The following DPP6 variants were observed in gnomAD, a reference collection of about 807,000 sequenced individuals.
DPP6 encodes A-type potassium channel modulatory protein DPP6.
DPP6 carries 69 observed loss-of-function variants against 122.6 expected under a neutral mutation model. The observed-to-expected ratio is 0.56, with a 90% CI of 0.46 to 0.69. The LOEUF is 0.69. DPP6 is among the 30% of genes least tolerant of loss of function. The pLI is 0.00. For synonymous variants in DPP6, 418 were observed against 433.1 expected (o/e 0.97, Z 0.43); for missense variants, 928 against 1,116.9 (o/e 0.83, Z 2.41).
intron 1 of DPP6, among the ~76,000 whole-genome samples, chr7:154,021,951 A>T (rs1798722526): frequency 6.6e-6 from 1 of 152,202 alleles, no homozygotes; most frequent in East Asian, 1.9e-4. Flanking sequence ...CTATCTGGGC[A>T]TCCCATTGGC....
chr7:154,091,713 C>T (rs1006977217), intron 1 of DPP6, among the ~76,000 whole-genome samples: 1 of 152,126 alleles, frequency 6.6e-6, no homozygotes, highest in Non-Finnish European at 1.5e-5. Flanking sequence ...CCTCTTCCCC[C>T]CCTCACCACG....
chr7:154,407,960 G>A (rs1379644768), intron 1 of DPP6, among the ~76,000 whole-genome samples: 1 of 152,228 alleles, frequency 6.6e-6, no homozygotes, highest in Admixed American at 6.5e-5. Flanking sequence ...TTTGGGAACA[G>A]TAATGATACC....
intron 8 of DPP6, among the ~76,000 whole-genome samples, chr7:154,763,224 C>T (rs1444698069): frequency 1.3e-5 from 2 of 152,094 alleles, no homozygotes; most frequent in Non-Finnish European, 2.9e-5. Context: ...CCTAGCTACT[C>T]AGAAGGCTGA....
intron 1 of DPP6, among the ~76,000 whole-genome samples, chr7:153,918,978 CAA>C (rs386411718): frequency 5.6e-5 from 5 of 89,344 alleles, no homozygotes; most frequent in East Asian, 3.3e-4. Context: ...GACTCTGTCT[CAA>C]AAAAAAAAAA....
At chr7:154,205,874 C>T (rs538243690) in intron 1 of DPP6, among the ~76,000 whole-genome samples, 39 of 152,272 alleles carry the variant, frequency 2.6e-4, no homozygotes, top group Non-Finnish European at 4.4e-4. Flanking sequence ...TTTGTGGGCA[C>T]TGGAGCAGCC....
At chr7:154,887,604 C>T in intron 22 of DPP6, 72 bp from the exon 23 acceptor site, 1 of 1,524,536 alleles carries the variant, frequency 6.6e-7, no homozygotes, top group Middle Eastern at 1.7e-4. Flanking sequence ...CAGGGCCCTC[C>T]CTAGAGTTTG....
At chr7:154,164,379 T>G (rs1797136890) in intron 1 of DPP6, among the ~76,000 whole-genome samples, 1 of 152,168 alleles carries the variant, frequency 6.6e-6, no homozygotes, top group Non-Finnish European at 1.5e-5. Flanking sequence ...TGCGATTATC[T>G]CCACCAACCT....
At chr7:153,771,190 C>G in the DPP6 span, among the ~76,000 whole-genome samples, 1 of 152,118 alleles carries the variant, frequency 6.6e-6, no homozygotes, top group Non-Finnish European at 1.5e-5. Context: ...CACACACATA[C>G]CATGTTCAAT....
At position 154,080,471 on chromosome 7, in the gene DPP6, C is replaced by T. The variant is rs566982337; in HGVS notation, c.243+27408C>T. Reference sequence around the variant, plus strand: ...CATGGATCCTGCCCTTAGACCAAAGCGACCTTGATGTTATTGCACAAATTA... The same window carrying T: ...CATGGATCCTGCCCTTAGACCAAAGTGACCTTGATGTTATTGCACAAATTA... On this transcript the variant is annotated intron_variant, in intron 1 of 25. Coordinates refer to ENST00000377770, the MANE Select transcript of DPP6 (RefSeq NM_130797.4). 1.5e-3 allele frequency among the ~76,000 whole-genome samples: 236 copies of T among 152,304 alleles called. 4 individuals are homozygous for T. The highest frequency in any genetic ancestry group is 1.9e-3 in the South Asian group (9 of 4,826).
chr7:154,841,368 C>CCTGTAGCCTTTGCCCCG (rs1801533289), intron 16 of DPP6, among the ~76,000 whole-genome samples: 1 of 150,150 alleles, frequency 6.7e-6, no homozygotes, highest in East Asian at 2.0e-4. Flanking sequence ...CCTTTGCCCC[C>CCTGTAGCCTTTGCCCCG]CTGCAGGCTT....
the DPP6 span, among the ~76,000 whole-genome samples, chr7:153,789,638 A>G: frequency 6.6e-6 from 1 of 152,212 alleles, no homozygotes; most frequent in Non-Finnish European, 1.5e-5. Context: ...TTTTGTATTG[A>G]TGAGAGAAAG....
intron 1 of DPP6, among the ~76,000 whole-genome samples, chr7:154,060,413 G>A (rs1282321630): frequency 7.5e-6 from 1 of 133,648 alleles, no homozygotes; most frequent in South Asian, 2.4e-4. Context: ...TCGCAGAGGG[G>A]GGAGGCACCC....
chr7:153,860,622 G>T, the DPP6 span, among the ~76,000 whole-genome samples: 3 of 149,746 alleles, frequency 2.0e-5, no homozygotes, highest in African/African-American at 7.5e-5. Flanking sequence ...CTATCCTTGG[G>T]TGGTTTCCCT....
In DPP6 at chr7:154,043,583, T is replaced by A. The variant is rs543332157; in HGVS notation, c.51+155849T>A. Among the ~76,000 whole-genome samples, 14 of 151,868 alleles carry A rather than the reference T, an allele frequency of 9.2e-5. No individual in the cohort carries two copies. In the East Asian group the frequency reaches 2.7e-3, roughly 29 times the overall value. On this transcript the variant is annotated intron_variant, in intron 1 of 25. Coordinates refer to the DPP6 transcript ENST00000404039. Reference sequence around the variant, plus strand: ...ATTCCATCTCCTGGTATATTTGGATTGGATAATTTTATGTTATTTGATAAA... The same window carrying A: ...ATTCCATCTCCTGGTATATTTGGATAGGATAATTTTATGTTATTTGATAAA...
At chr7:154,501,030 AC>A (rs1825193332) in intron 3 of DPP6, among the ~76,000 whole-genome samples, 1 of 152,140 alleles carries the variant, frequency 6.6e-6, no homozygotes, top group South Asian at 2.1e-4. Context: ...AGCAAAGATG[AC>A]TTTTGTTATG....
chr7:154,791,397 G>A (rs934505661), intron 10 of DPP6, among the ~76,000 whole-genome samples: 1 of 152,162 alleles, frequency 6.6e-6, no homozygotes, highest in East Asian at 1.9e-4. Flanking sequence ...AAGGGCAAAG[G>A]GGTGTCTTAC....
intron 1 of DPP6, among the ~76,000 whole-genome samples, chr7:153,914,488 T>G (rs1193694886): frequency 6.6e-6 from 1 of 152,210 alleles, no homozygotes; most frequent in African/African-American, 2.4e-5. Context: ...AGAAGTGCTT[T>G]CTTCTGACCA....
chr7:154,016,395 G>GT (rs1333324668), intron 1 of DPP6, among the ~76,000 whole-genome samples: 3 of 137,934 alleles, frequency 2.2e-5, no homozygotes, highest in East Asian at 2.6e-4. Flanking sequence ...TTTAAAGTAG[G>GT]TTTATTTTTT....
chr7:154,351,794 T>TG (rs898216190), intron 1 of DPP6, among the ~76,000 whole-genome samples: 3 of 152,104 alleles, frequency 2.0e-5, no homozygotes, highest in African/African-American at 4.8e-5. Flanking sequence ...AGAGCCTGCA[T>TG]GGGGGGCCTC....
Sources: gnomAD v4.1 joint callset for allele counts (sites outside exome capture counted in the v4.1 genomes callset) on GRCh38, gnomAD v4.1.1 for gene constraint, MANE v1.5 for transcripts, NCBI Gene and HGNC (gene_info 2026-07-23, HGNC 2026-07-21) for gene names.